EVL: variants seen among roughly 807,000 people sequenced by gnomAD.
EVL encodes ena/VASP-like protein.
In EVL, 21 loss-of-function variants were observed where a neutral mutation model predicts 59.6. The ratio of observed to expected loss-of-function variants is 0.35; its 90% CI spans 0.25 to 0.51. EVL has a LOEUF of 0.51. Among genes scored for constraint, EVL ranks in the 20% least tolerant of loss-of-function variants. The probability of loss-of-function intolerance (pLI) is 0.97; values close to 1 mark genes in which losing one functional copy is unlikely to be tolerated. For missense variants in EVL, 462 were observed against 546.6 expected, an observed-to-expected ratio of 0.85 and a Z score of 1.54; for synonymous variants, 198 against 203.5, an observed-to-expected ratio of 0.97 and a Z score of 0.23.
chr14:100,037,704 G>A (rs1483581621), intron 1 of EVL, among the ~76,000 whole-genome samples: 2 of 152,200 alleles, frequency 1.3e-5, no homozygotes, highest in African/African-American at 2.4e-5. Context: ...TTTGGACATG[G>A]TATTTACCTT....
chr14:100,078,268 G>T (rs895119709), intron 1 of EVL, among the ~76,000 whole-genome samples: 5 of 152,154 alleles, frequency 3.3e-5, no homozygotes, highest in Non-Finnish European at 5.9e-5. Context: ...CCTTTCCCTG[G>T]ACCCGGGATT....
chr14:99,987,905 A>AT (rs774580760), intron 1 of EVL, among the ~76,000 whole-genome samples: 9,711 of 103,820 alleles, frequency 0.094, 1,562 homozygotes, highest in African/African-American at 0.21. Context: ...AGACAACCCA[A>AT]TTTTTTTTTT....
chr14:100,071,694 A>G (rs1242870745), intron 1 of EVL, among the ~76,000 whole-genome samples: 2 of 152,206 alleles, frequency 1.3e-5, no homozygotes, highest in Non-Finnish European at 2.9e-5. Context: ...TGGCTGCACT[A>G]CAGACAGCAA....
intron 1 of EVL, among the ~76,000 whole-genome samples, chr14:100,019,947 C>T (rs979305874): frequency 6.6e-6 from 1 of 152,156 alleles, no homozygotes; most frequent in Non-Finnish European, 1.5e-5. Flanking sequence ...CACCTTGTGC[C>T]TTATTTGAGC....
At chr14:99,996,741 T>C (rs1377583916) in intron 1 of EVL, among the ~76,000 whole-genome samples, 1 of 152,112 alleles carries the variant, frequency 6.6e-6, no homozygotes, top group Admixed American at 6.6e-5. Context: ...AGCCTCAACC[T>C]CCTGGGCTCA....
intron 2 of EVL, among the ~76,000 whole-genome samples, chr14:100,095,917 G>A (rs1446633573): frequency 3.3e-5 from 5 of 152,258 alleles, no homozygotes; most frequent in South Asian, 2.1e-4. Context: ...TAGTAGAGAC[G>A]GGGTTTTGCC....
chr14:100,123,948 G>C (rs1215999959), intron 4 of EVL, among the ~76,000 whole-genome samples: 1 of 152,216 alleles, frequency 6.6e-6, no homozygotes, highest in Non-Finnish European at 1.5e-5. Context: ...GGCAGTCCAG[G>C]CATGAGGGAT....
At chr14:100,058,289 C>G (rs1282240755) in intron 1 of EVL, among the ~76,000 whole-genome samples, 1 of 152,200 alleles carries the variant, frequency 6.6e-6, no homozygotes, top group Non-Finnish European at 1.5e-5. Flanking sequence ...GTTTATTGAG[C>G]ATTTACTGTT....
chr14:100,078,021 G>T (rs1408462979), intron 1 of EVL, among the ~76,000 whole-genome samples: 1 of 152,096 alleles, frequency 6.6e-6, no homozygotes, highest in Non-Finnish European at 1.5e-5. Context: ...TGATCCGCCC[G>T]CCTTGGCCTC....
At chr14:100,016,119 A>T (rs1000051286) in intron 1 of EVL, among the ~76,000 whole-genome samples, 2 of 151,980 alleles carry the variant, frequency 1.3e-5, no homozygotes, top group Admixed American at 1.3e-4. Flanking sequence ...TAATTTAAAA[A>T]TTTAACATCT....
At chr14:99,975,928 T>C (rs1382577107) in intron 1 of EVL, among the ~76,000 whole-genome samples, 1 of 152,212 alleles carries the variant, frequency 6.6e-6, no homozygotes, top group Non-Finnish European at 1.5e-5. Flanking sequence ...TCTCACTGTC[T>C]GTCTCTCTCC....
At chr14:100,122,372 A>G (rs1396432779) in intron 3 of EVL, among the ~76,000 whole-genome samples, 4 of 152,242 alleles carry the variant, frequency 2.6e-5, no homozygotes, top group Admixed American at 2.6e-4. Flanking sequence ...AGCTGTTACA[A>G]GTCCTTATGG....
At chr14:100,051,996 A>G (rs2061655312) in intron 1 of EVL, among the ~76,000 whole-genome samples, 1 of 152,226 alleles carries the variant, frequency 6.6e-6, no homozygotes, top group South Asian at 2.1e-4. Flanking sequence ...AAATAGTTTG[A>G]AAACTCGTTG....
At chr14:99,984,714 A>G (rs1365903265) in intron 1 of EVL, among the ~76,000 whole-genome samples, 10 of 152,068 alleles carry the variant, frequency 6.6e-5, no homozygotes, top group Non-Finnish European at 1.5e-5. Flanking sequence ...CCCAGTTTCA[A>G]GCGATTCTCC....
intron 1 of EVL, among the ~76,000 whole-genome samples, chr14:100,026,056 G>C (rs1439698911): frequency 1.3e-5 from 2 of 151,950 alleles, no homozygotes; most frequent in Non-Finnish European, 2.9e-5. Flanking sequence ...CCCCAGATCA[G>C]CCTGGGTAAC....
chr14:99,972,987 C>T lies in EVL; in HGVS notation c.5+930C>T, dbSNP rs941648560. On this transcript the variant is annotated intron_variant, in intron 1 of 13. Coordinates refer to the EVL transcript ENST00000402714. The surrounding 1 kb of genome is among the most constrained non-coding windows in gnomAD (Gnocchi z 4.4). ...CATTCCGTTGTAATCGTTATTTGTT[C>T]ATTTTTATTGGTCTATAGTATTCTG... Among the ~76,000 whole-genome samples, 2 of 152,136 alleles carry T rather than the reference C, an allele frequency of 1.3e-5. No homozygotes were observed. Among genetic ancestry groups the T allele is most frequent in the African/African-American group, 4.8e-5 (2 of 41,434 alleles).
At chr14:99,976,267 C>G (rs1316866499) in intron 1 of EVL, among the ~76,000 whole-genome samples, 2 of 151,928 alleles carry the variant, frequency 1.3e-5, no homozygotes, top group Non-Finnish European at 2.9e-5. Context: ...GTCTCAAACT[C>G]TTGGCCTCCA....
chr14:100,022,551 T>A (rs535614241), intron 1 of EVL, among the ~76,000 whole-genome samples: 2 of 152,206 alleles, frequency 1.3e-5, no homozygotes, highest in East Asian at 3.9e-4. Context: ...AAGTGCTGGG[T>A]TTACAGGCGT....
chr14:100,097,270 A>G (rs11846613), intron 2 of EVL, among the ~76,000 whole-genome samples: 16,184 of 152,198 alleles, frequency 0.11, 1,028 homozygotes, highest in East Asian at 0.27. Flanking sequence ...ACATAGCATT[A>G]TTAGTTAAAG....
Sources: allele counts gnomAD v4.1 joint callset (sites outside exome capture counted in the v4.1 genomes callset), GRCh38; gene constraint gnomAD v4.1.1; non-coding constraint Gnocchi (gnomAD v3.1); transcripts MANE v1.5; gene names NCBI Gene and HGNC (gene_info 2026-07-23, HGNC 2026-07-21).